The following LARGE1 variants were observed in gnomAD, a reference collection of about 807,000 sequenced individuals.
The protein encoded by LARGE1 is xylosyl- and glucuronyltransferase LARGE1.
In LARGE1, 43 loss-of-function variants were observed where a neutral mutation model predicts 87.6. That is an observed-to-expected ratio of 0.49 (90% CI 0.38 to 0.63). The LOEUF is 0.63. Among genes scored for constraint, LARGE1 ranks in the 30% least tolerant of loss-of-function variants. The probability of loss-of-function intolerance (pLI) is 0.00; values close to 1 mark genes in which losing one functional copy is unlikely to be tolerated. For synonymous variants in LARGE1, 434 were observed against 394.6 expected, an observed-to-expected ratio of 1.10 and a Z score of -1.18; for missense variants, 802 against 1,000.2, an observed-to-expected ratio of 0.80 and a Z score of 2.67.
At chr22:33,619,581 A>G (rs2079682037) in intron 4 of LARGE1, among the ~76,000 whole-genome samples, 1 of 151,720 alleles carries the variant, frequency 6.6e-6, no homozygotes, top group African/African-American at 2.4e-5. Flanking sequence ...AGAAAAAAAG[A>G]AAAAAGAAGC....
chr22:33,394,198 C>CTTTT (rs531894455), intron 7 of LARGE1, among the ~76,000 whole-genome samples: 1 of 126,802 alleles, frequency 7.9e-6, no homozygotes, highest in Non-Finnish European at 1.6e-5. Flanking sequence ...ACCTCTGATT[C>CTTTT]TTTTTTTTTT....
intron 6 of LARGE1, among the ~76,000 whole-genome samples, chr22:33,454,531 A>G (rs1043176686): frequency 6.7e-6 from 1 of 150,082 alleles, no homozygotes; most frequent in African/African-American, 2.4e-5. Flanking sequence ...AGGCAGGGGA[A>G]TTGCTTGAAT....
chr22:33,174,544 TC>T (rs1922756816), intron 11 of LARGE1, among the ~76,000 whole-genome samples: 2 of 152,000 alleles, frequency 1.3e-5, no homozygotes, highest in African/African-American at 2.4e-5. Flanking sequence ...AATCAATGAA[TC>T]CAGCAGCTGC....
rs116358485 is a variant in LARGE1, at chr22:33,777,732, G to A, written c.-82-16174C>T. On this transcript the variant is annotated intron_variant, in intron 1 of 14. Coordinates refer to ENST00000397394, the MANE Select transcript of LARGE1 (RefSeq NM_133642.5). ...GGGAAGGCAGGTGAAGGGAAGGCAG[G>A]TGAAGGGAGGGAGGAAGGAAGGACT... Among the ~76,000 whole-genome samples, 726 of 151,508 alleles carry A rather than the reference G, an allele frequency of 4.8e-3. 4 individuals carry two copies. The highest frequency in any genetic ancestry group is 0.017 in the African/African-American group (689 of 41,224).
chr22:33,644,217 T>A (rs184454346), intron 3 of LARGE1, among the ~76,000 whole-genome samples: 1 of 152,274 alleles, frequency 6.6e-6, no homozygotes, highest in East Asian at 1.9e-4. Context: ...TCCACCACTA[T>A]CAAGTTGGAT....
rs1480506788 is a variant in LARGE1 at position 33,785,142 on chromosome 22, CATAT to C, written c.-82-23588_-82-23585del. On this transcript the variant is annotated intron_variant, in intron 1 of 14. Coordinates refer to ENST00000397394, the MANE Select transcript of LARGE1 (RefSeq NM_133642.5). ...GTATATGCATATATGTGTATACATA[CATAT>C]GTGTATATACATATATGTGTATACA... Among the ~76,000 whole-genome samples the C allele has an allele frequency of 2.2e-5, 3 of 136,592 alleles. 1 individual carries two copies. The highest frequency in any genetic ancestry group is 4.7e-5 in the Non-Finnish European group (3 of 64,226). The allele number at this position is 136,592 out of a possible 152,430, so 89.6% of individuals were successfully genotyped here.
intron 1 of LARGE1, among the ~76,000 whole-genome samples, chr22:33,900,000 T>C (rs2065242355): frequency 2.0e-5 from 3 of 152,152 alleles, no homozygotes; most frequent in Non-Finnish European, 4.4e-5. Flanking sequence ...TTGCAAGTTA[T>C]TAGGAAGAAA....
chr22:33,381,771 C>G, intron 9 of LARGE1, 148 bp downstream of exon 9: 1 of 1,128,246 alleles, frequency 8.9e-7, no homozygotes, highest in Non-Finnish European at 1.3e-6. Context: ...CAACACCCCA[C>G]AAAGATGAAA....
chr22:33,593,257 G>T (rs1055275498), intron 5 of LARGE1, among the ~76,000 whole-genome samples: 1 of 147,770 alleles, frequency 6.8e-6, no homozygotes, highest in African/African-American at 2.5e-5. Flanking sequence ...TGCCCAGGTG[G>T]GTCTCGAACT....
At chr22:33,682,301 T>C (rs2081800208) in intron 2 of LARGE1, among the ~76,000 whole-genome samples, 1 of 152,214 alleles carries the variant, frequency 6.6e-6, no homozygotes, top group South Asian at 2.1e-4. Flanking sequence ...CAGTGGTCTG[T>C]GAAAATTGTA....
intron 11 of LARGE1, among the ~76,000 whole-genome samples, chr22:33,252,401 C>A (rs1235017954): frequency 6.6e-6 from 1 of 152,002 alleles, no homozygotes; most frequent in African/African-American, 2.4e-5. Context: ...GTAATGTTGA[C>A]TTCATCAACA....
At chr22:33,555,794 G>GT (rs535858498) in intron 6 of LARGE1, among the ~76,000 whole-genome samples, 201 of 151,992 alleles carry the variant, frequency 1.3e-3, no homozygotes, top group Middle Eastern at 3.4e-3. Context: ...GCCGGGTGTG[G>GT]TGGCACATTC....
At chr22:33,145,077 T>C in the LARGE1 span, among the ~76,000 whole-genome samples, 2 of 152,054 alleles carry the variant, frequency 1.3e-5, no homozygotes, top group African/African-American at 2.4e-5. Flanking sequence ...AATGCTTAAT[T>C]TGGGCCCTGA....
chr22:33,367,625 C>T (rs886744036), intron 9 of LARGE1, among the ~76,000 whole-genome samples: 21 of 152,188 alleles, frequency 1.4e-4, no homozygotes, highest in African/African-American at 4.6e-4. Flanking sequence ...GGAGGTCTTG[C>T]TTTGTTGCTG....
intron 6 of LARGE1, among the ~76,000 whole-genome samples, chr22:33,541,080 T>TG (rs2077189012): frequency 3.0e-4 from 9 of 30,122 alleles, no homozygotes; most frequent in African/African-American, 5.4e-4. Flanking sequence ...GGGGGCGGGT[T>TG]GCAGGGGGAG....
chr22:33,182,399 T>C (rs959252941), intron 11 of LARGE1, among the ~76,000 whole-genome samples: 1 of 152,212 alleles, frequency 6.6e-6, no homozygotes, highest in African/African-American at 2.4e-5. Context: ...ATTGTGTGTG[T>C]GTCTGTGTGT....
At chr22:33,305,585 G>A (rs917231429) in intron 11 of LARGE1, 24 of 984,992 alleles carry the variant, frequency 2.4e-5, no homozygotes, top group Middle Eastern at 5.2e-4. Context: ...CACTTTATTC[G>A]GACGATTACC....
chr22:33,287,768 G>A (rs1172540154), intron 12 of LARGE1, among the ~76,000 whole-genome samples: 1 of 152,232 alleles, frequency 6.6e-6, no homozygotes, highest in Admixed American at 6.5e-5. Flanking sequence ...TGGGCGAACA[G>A]CCAGGAGACT....
chr22:33,197,741 C>T (rs1165548362), intron 11 of LARGE1, among the ~76,000 whole-genome samples: 2 of 151,998 alleles, frequency 1.3e-5, no homozygotes, highest in African/African-American at 4.8e-5. Flanking sequence ...AATGCACTCC[C>T]AATCAAAAGC....
Sources: gnomAD v4.1 joint callset for allele counts (sites outside exome capture counted in the v4.1 genomes callset) on GRCh38, gnomAD v4.1.1 for gene constraint, MANE v1.5 for transcripts, NCBI Gene and HGNC (gene_info 2026-07-23, HGNC 2026-07-21) for gene names.